The following NRG3 variants were observed in gnomAD, a reference collection of about 807,000 sequenced individuals.
NRG3 encodes pro-neuregulin-3, membrane-bound isoform.
NRG3 carries 31 observed loss-of-function variants against 66.9 expected under a neutral mutation model. The ratio of observed to expected loss-of-function variants is 0.46; its 90% CI spans 0.35 to 0.63. NRG3 has a LOEUF of 0.63. Among genes scored for constraint, NRG3 ranks in the 20% least tolerant of loss-of-function variants. NRG3 has a pLI of 0.00. For synonymous variants in NRG3, 393 were observed against 359.4 expected, an observed-to-expected ratio of 1.09 and a Z score of -1.06; for missense variants, 910 against 878.9, an observed-to-expected ratio of 1.04 and a Z score of -0.45.
At chr10:82,544,278 A>G (rs2043743070) in intron 2 of NRG3, among the ~76,000 whole-genome samples, 1 of 152,194 alleles carries the variant, frequency 6.6e-6, no homozygotes, top group African/African-American at 2.4e-5. Context: ...TCCCTCATAG[A>G]TGAGTCAATC....
At chr10:82,386,658 C>T (rs1034828363) in intron 2 of NRG3, among the ~76,000 whole-genome samples, 19 of 152,108 alleles carry the variant, frequency 1.2e-4, no homozygotes, top group Non-Finnish European at 2.4e-4. Context: ...CCTTTATACT[C>T]GGAAAGATCC....
chr10:82,330,778 A>G (rs1278389733), intron 1 of NRG3, among the ~76,000 whole-genome samples: 1 of 152,220 alleles, frequency 6.6e-6, no homozygotes, highest in African/African-American at 2.4e-5. Context: ...GAAATATAAT[A>G]ATATACACTG....
At chr10:82,020,824 A>C (rs1202451360) in intron 1 of NRG3, among the ~76,000 whole-genome samples, 1 of 152,104 alleles carries the variant, frequency 6.6e-6, no homozygotes, top group African/African-American at 2.4e-5. Flanking sequence ...TGTCACTTCC[A>C]ATCCGGTTGC....
At chr10:82,464,424 G>A (rs189853505) in intron 2 of NRG3, among the ~76,000 whole-genome samples, 8 of 152,268 alleles carry the variant, frequency 5.3e-5, no homozygotes, top group Admixed American at 2.0e-4. Flanking sequence ...ATTGTGCAGC[G>A]GAATCCAAAC....
intron 2 of NRG3, among the ~76,000 whole-genome samples, chr10:82,682,902 C>T (rs2054210584): frequency 6.6e-6 from 1 of 151,082 alleles, no homozygotes; most frequent in African/African-American, 2.4e-5. Context: ...GTTTACCACA[C>T]ACCCTCTCCC....
intron 2 of NRG3, among the ~76,000 whole-genome samples, chr10:82,616,322 C>T (rs1422817592): frequency 6.6e-6 from 1 of 152,166 alleles, no homozygotes. Context: ...ATATTTCACT[C>T]ATCCAGAAAG....
At chr10:82,685,144 C>T (rs1024612044) in intron 2 of NRG3, among the ~76,000 whole-genome samples, 2 of 152,006 alleles carry the variant, frequency 1.3e-5, no homozygotes, top group Non-Finnish European at 1.5e-5. Context: ...GAGGCCCCCC[C>T]CAAAACTTAA....
intron 3 of NRG3, among the ~76,000 whole-genome samples, chr10:82,761,317 A>G (rs2135062011): frequency 6.6e-6 from 1 of 152,224 alleles, no homozygotes; most frequent in South Asian, 2.1e-4. Context: ...TAAAAAAGTA[A>G]TATCTTCAAG....
chr10:82,806,842 T>C (rs1013477832), intron 3 of NRG3, among the ~76,000 whole-genome samples: 24 of 152,228 alleles, frequency 1.6e-4, no homozygotes, highest in African/African-American at 5.8e-4. Context: ...TGATAGAGCC[T>C]GTTGTAGACA....
intron 2 of NRG3, among the ~76,000 whole-genome samples, chr10:82,547,050 C>G (rs560231201): frequency 6.6e-6 from 1 of 152,130 alleles, no homozygotes; most frequent in South Asian, 2.1e-4. Context: ...ATTAAGCAAT[C>G]TATGCAATCA....
At position 82,985,860 on chromosome 10, in the gene NRG3, C is replaced by T. The variant is rs535217223; in HGVS notation, c.*255C>T. 1.6e-4 allele frequency: 58 copies of T among 371,178 alleles called. No homozygotes were observed. The highest frequency in any genetic ancestry group is 7.9e-4 in the Middle Eastern group (1 of 1,258). 23.0% of individuals were successfully genotyped at this position (371,178 alleles called of 1,614,324 possible). A position where few individuals can be genotyped will look rare whatever the true frequency, so the allele number is the denominator to read the frequency against. ...AATTTCGTTTAGTCCCAACACTGTC[C>T]TCTTTGGCTCTTAGAAGATGTGGGC... On this transcript the variant is annotated 3_prime_UTR_variant, in exon 9 of 9. Coordinates refer to ENST00000372141, the MANE Select transcript of NRG3 (RefSeq NM_001010848.4).
chr10:82,349,607 C>T (rs574265596), intron 1 of NRG3, among the ~76,000 whole-genome samples: 358 of 152,104 alleles, frequency 2.4e-3, no homozygotes, highest in African/African-American at 7.5e-3. Flanking sequence ...TTCGAGCTTC[C>T]CGGCTGCTTT....
At chr10:82,393,639 A>G (rs1408503593) in intron 2 of NRG3, among the ~76,000 whole-genome samples, 1 of 152,164 alleles carries the variant, frequency 6.6e-6, no homozygotes, top group Non-Finnish European at 1.5e-5. Context: ...TAGAATAATC[A>G]TATCACCAGA....
intron 4 of NRG3, among the ~76,000 whole-genome samples, chr10:82,937,863 G>A (rs1848235394): frequency 6.6e-6 from 1 of 152,108 alleles, no homozygotes; most frequent in South Asian, 2.1e-4. Flanking sequence ...TCTGTAAGGA[G>A]GCAGTTTTAG....
chr10:82,166,614 G>A (rs1239573320), intron 1 of NRG3: 2 of 315,602 alleles, frequency 6.3e-6, no homozygotes, highest in Non-Finnish European at 1.1e-5. Context: ...AATTGTTTAA[G>A]GATATTTAAA....
In NRG3 at chr10:82,457,587, A is replaced by G. The variant is rs184137709; in HGVS notation, c.953+98719A>G. On this transcript the variant is annotated intron_variant, in intron 2 of 8. Coordinates refer to ENST00000372141, the MANE Select transcript of NRG3 (RefSeq NM_001010848.4). Reference sequence around the variant, plus strand: ...AATCTCTGTGTCTCCTGAATCCAGCATAGCTAGGAACATAGGAGGAGCTGC... The same window carrying G: ...AATCTCTGTGTCTCCTGAATCCAGCGTAGCTAGGAACATAGGAGGAGCTGC... 2.6e-3 allele frequency among the ~76,000 whole-genome samples: 392 copies of G among 152,304 alleles called. 3 individuals carry two copies. The highest frequency in any genetic ancestry group is 9.1e-3 in the African/African-American group (377 of 41,570).
intron 2 of NRG3, among the ~76,000 whole-genome samples, chr10:82,697,182 C>G (rs2055453293): frequency 6.6e-6 from 1 of 152,194 alleles, no homozygotes; most frequent in Non-Finnish European, 1.5e-5. Flanking sequence ...ACTTACACCA[C>G]TTTTTGTTGT....
intron 4 of NRG3, among the ~76,000 whole-genome samples, chr10:82,933,540 G>A (rs1031700741): frequency 4.6e-5 from 7 of 151,962 alleles, no homozygotes; most frequent in African/African-American, 7.3e-5. Context: ...GTGTCCATTC[G>A]CCAGCTAGAT....
intron 2 of NRG3, among the ~76,000 whole-genome samples, chr10:82,731,498 C>T (rs574205401): frequency 2.6e-5 from 4 of 152,256 alleles, no homozygotes; most frequent in Admixed American, 6.5e-5. Context: ...TTAGATTCCA[C>T]GTATACGTGA....
Sources: gnomAD v4.1 joint callset for allele counts (sites outside exome capture counted in the v4.1 genomes callset) on GRCh38, gnomAD v4.1.1 for gene constraint, MANE v1.5 for transcripts, NCBI Gene and HGNC (gene_info 2026-07-23, HGNC 2026-07-21) for gene names.